ARHGAP6: variants seen among roughly 807,000 people sequenced by gnomAD.
The protein encoded by ARHGAP6 is rho GTPase-activating protein 6.
A neutral mutation model predicts 55.7 loss-of-function variants in ARHGAP6; 16 were observed. The ratio of observed to expected loss-of-function variants is 0.29; its 90% CI spans 0.19 to 0.44. The LOEUF (loss-of-function observed/expected upper bound fraction) is 0.44. Among genes scored for constraint, ARHGAP6 ranks in the 20% least tolerant of loss-of-function variants. The pLI, the probability that ARHGAP6 is intolerant of heterozygous loss-of-function variation, is 1.00. For missense variants in ARHGAP6, 698 were observed against 808.9 expected, an observed-to-expected ratio of 0.86 and a Z score of 1.66; for synonymous variants, 382 against 360.9, an observed-to-expected ratio of 1.06 and a Z score of -0.66.
chrX:11,137,985 C>G lies in ARHGAP6; in HGVS notation c.*878G>C, dbSNP rs966545575. On this transcript the variant is annotated 3_prime_UTR_variant, in exon 13 of 13. Coordinates refer to ENST00000337414, the MANE Select transcript of ARHGAP6 (RefSeq NM_013427.3). Reference sequence around the variant, plus strand: ...AATATTCTGTGTAGATTCTTAAACACTTTATAGTTGGATTCCAGTTTGTAG... The same window carrying G: ...AATATTCTGTGTAGATTCTTAAACAGTTTATAGTTGGATTCCAGTTTGTAG... 3 of 111,404 alleles carry G rather than the reference C, an allele frequency of 2.7e-5. No homozygotes were observed. Among genetic ancestry groups the G allele is most frequent in the African/African-American group, 6.5e-5 (2 of 30,669 alleles). 9.2% of individuals were successfully genotyped at this position (111,404 alleles called of 1,213,427 possible).
intron 1 of ARHGAP6, among the ~76,000 whole-genome samples, chrX:11,436,195 G>T (rs1025216053): frequency 4.4e-5 from 5 of 112,386 alleles, no homozygotes; most frequent in Non-Finnish European, 9.4e-5. Flanking sequence ...TTAGCCACTT[G>T]TTCCCTGTTG....
intron 1 of ARHGAP6, among the ~76,000 whole-genome samples, chrX:11,623,519 G>A (rs1306678642): frequency 8.4e-5 from 9 of 107,735 alleles, no homozygotes; most frequent in African/African-American, 1.4e-4. Context: ...GTGAAACCCC[G>A]TCTCTACTAA....
intron 1 of ARHGAP6, among the ~76,000 whole-genome samples, chrX:11,630,996 T>C (rs1483209667): frequency 9.0e-6 from 1 of 110,900 alleles, no homozygotes; most frequent in African/African-American, 3.3e-5. Flanking sequence ...GGCCAGGCAC[T>C]GTTTTTTTTA....
At chrX:11,215,424 C>A (rs919855568) in intron 2 of ARHGAP6, among the ~76,000 whole-genome samples, 2 of 113,248 alleles carry the variant, frequency 1.8e-5, no homozygotes. Flanking sequence ...CTGCGGCCAG[C>A]CCCAGGGACA....
At chrX:11,349,209 G>A (rs2048825913) in intron 1 of ARHGAP6, among the ~76,000 whole-genome samples, 1 of 110,953 alleles carries the variant, frequency 9.0e-6, no homozygotes, top group South Asian at 3.9e-4. Flanking sequence ...ATAGACACTG[G>A]CATTTTTTGC....
At chrX:11,403,114 G>A (rs1603181175) in intron 1 of ARHGAP6, among the ~76,000 whole-genome samples, 2 of 111,922 alleles carry the variant, frequency 1.8e-5, no homozygotes, top group South Asian at 3.8e-4. Flanking sequence ...ATTTTACTAC[G>A]AAATGTGAAA....
intron 1 of ARHGAP6, among the ~76,000 whole-genome samples, chrX:11,517,916 A>G (rs1442463692): frequency 9.0e-6 from 1 of 110,815 alleles, no homozygotes; most frequent in Non-Finnish European, 1.9e-5. Flanking sequence ...GCAAACCACC[A>G]TGGCACACGT....
chrX:11,230,302 A>C (rs2047109952), intron 2 of ARHGAP6, among the ~76,000 whole-genome samples: 1 of 111,275 alleles, frequency 9.0e-6, no homozygotes, highest in African/African-American at 3.3e-5. Flanking sequence ...AGTTCAAGCG[A>C]TTCTCCTCCC....
Position 11,564,081 on chromosome X carries a change from G to GA in ARHGAP6, c.588+100159dup, listed in dbSNP as rs766900303. On this transcript the variant is annotated intron_variant, in intron 1 of 12. Coordinates refer to ENST00000337414, the MANE Select transcript of ARHGAP6 (RefSeq NM_013427.3). ...GTCTAAAAAGTGCTTTTATTCCAATGAAAAACAATAAAATGATAGATAGCA... is the reference window on the plus strand; with the variant it reads ...GTCTAAAAAGTGCTTTTATTCCAATGAAAAAACAATAAAATGATAGATAGCA... Among the ~76,000 whole-genome samples the GA allele has an allele frequency of 1.3e-4, 15 of 111,396 alleles. No individual in the cohort carries two copies. The South Asian group carries it at 5.6e-3, about 42-fold the overall frequency.
chrX:11,357,698 C>A (rs1485895702), intron 1 of ARHGAP6, among the ~76,000 whole-genome samples: 2 of 111,367 alleles, frequency 1.8e-5, no homozygotes, highest in African/African-American at 3.3e-5. Flanking sequence ...GATGACATCA[C>A]CCCCATGCTA....
intron 1 of ARHGAP6, among the ~76,000 whole-genome samples, chrX:11,337,349 TACA>T (rs769987146): frequency 7.8e-4 from 87 of 111,759 alleles, no homozygotes; most frequent in African/African-American, 2.6e-3. Flanking sequence ...TATTTCTCAG[TACA>T]ACAAGATGTG....
At chrX:11,628,265 G>A (rs1163230553) in intron 1 of ARHGAP6, among the ~76,000 whole-genome samples, 1 of 111,972 alleles carries the variant, frequency 8.9e-6, no homozygotes, top group Non-Finnish European at 1.9e-5. Flanking sequence ...TGCTGTCATG[G>A]CTAAGCTTCT....
At chrX:11,520,147 ATATAT>A (rs2050900911) in intron 1 of ARHGAP6, among the ~76,000 whole-genome samples, 1 of 65,386 alleles carries the variant, frequency 1.5e-5, no homozygotes, top group African/African-American at 5.6e-5. Context: ...ATATATATAT[ATATAT>A]ATATATATAT....
rs770648665 is a variant in ARHGAP6 at position 11,379,233 on chromosome X, C to A, written c.589-124526G>T. Among the ~76,000 whole-genome samples, 7 of 112,298 alleles carry A rather than the reference C, an allele frequency of 6.2e-5. No homozygotes were observed. In the South Asian group the frequency reaches 2.6e-3, roughly 42 times the overall value. Reference sequence around the variant, plus strand: ...GTGAACAAGAAAGGTCTCTTGAGGTCTAGGATTACAACAGGTATGCTATCA... The same window carrying A: ...GTGAACAAGAAAGGTCTCTTGAGGTATAGGATTACAACAGGTATGCTATCA... On this transcript the variant is annotated intron_variant, in intron 1 of 12. Transcript: ENST00000337414.
At chrX:11,617,754 G>T (rs889464413) in intron 1 of ARHGAP6, among the ~76,000 whole-genome samples, 2 of 111,654 alleles carry the variant, frequency 1.8e-5, no homozygotes, top group Non-Finnish European at 3.8e-5. Context: ...GCTATCTGCA[G>T]AGTCAGGGGC....
chrX:11,338,057 C>T (rs756116947), intron 1 of ARHGAP6, among the ~76,000 whole-genome samples: 2 of 111,229 alleles, frequency 1.8e-5, no homozygotes, highest in South Asian at 7.8e-4. Context: ...GTGAGAATGC[C>T]CTCACTGCCA....
chrX:11,484,679 G>T (rs756521009), intron 1 of ARHGAP6, among the ~76,000 whole-genome samples: 25 of 111,487 alleles, frequency 2.2e-4, no homozygotes, highest in Admixed American at 1.9e-3. Context: ...AAGCTTAATG[G>T]CTGTATCATT....
intron 1 of ARHGAP6, among the ~76,000 whole-genome samples, chrX:11,319,240 A>C (rs2048399197): frequency 8.9e-6 from 1 of 111,841 alleles, no homozygotes; most frequent in African/African-American, 3.3e-5. Context: ...CCATACCTAT[A>C]CTTGTACTTA....
chrX:11,513,358 G>A (rs748943834), intron 1 of ARHGAP6, among the ~76,000 whole-genome samples: 97 of 111,980 alleles, frequency 8.7e-4, no homozygotes, highest in Non-Finnish European at 1.7e-3. Context: ...TTTCTTGCAT[G>A]GACTGTGGGT....
Sources: gnomAD v4.1 joint callset for allele counts (sites outside exome capture counted in the v4.1 genomes callset) on GRCh38, gnomAD v4.1.1 for gene constraint, MANE v1.5 for transcripts, NCBI Gene and HGNC (gene_info 2026-07-23, HGNC 2026-07-21) for gene names.